FAAH2: variants seen among roughly 807,000 people sequenced by gnomAD.
FAAH2 encodes fatty acid amide hydrolase 2.
In FAAH2, 60 loss-of-function variants were observed where a neutral mutation model predicts 36.9. The ratio of observed to expected loss-of-function variants is 1.63; its 90% CI spans 1.32 to 2.02. The LOEUF (loss-of-function observed/expected upper bound fraction) is 2.02, where lower values mean the gene tolerates loss of function less well. Ranked by LOEUF, FAAH2 falls within the 30% of genes most tolerant of loss-of-function variation. The pLI is 0.00. For synonymous variants in FAAH2, 214 were observed against 143.8 expected (o/e 1.49, Z -3.49); for missense variants, 689 against 397.5 (o/e 1.73, Z -6.23).
At chrX:57,216,560 A>G in the FAAH2 span, among the ~76,000 whole-genome samples, 142 of 45,112 alleles carry the variant, frequency 3.1e-3, 3 homozygotes, top group African/African-American at 0.019. Flanking sequence ...GTATATATAT[A>G]TATACGTATA....
At chrX:57,314,471 C>T (rs968149851) in intron 3 of FAAH2, among the ~76,000 whole-genome samples, 10 of 111,467 alleles carry the variant, frequency 9.0e-5, no homozygotes, top group Non-Finnish European at 1.1e-4. Context: ...ATACTCTACA[C>T]GGTCAGTCAT....
Position 57,307,199 on chromosome X carries a change from G to A in FAAH2, c.276-3394G>A, listed in dbSNP as rs542918479. ...TTCATCTTTCTATTCTCTCTGTTTG[G>A]GGTTCTTCTTCTCTATAATAAGAAG... On this transcript the variant is annotated intron_variant, in intron 2 of 10. Transcript: ENST00000374900. Among the ~76,000 whole-genome samples the A allele has an allele frequency of 5.7e-5, 6 of 104,594 alleles. No individual in the cohort carries two copies. The South Asian group carries it at 2.2e-3, about 39-fold the overall frequency. 90.8% of individuals were successfully genotyped at this position (104,594 alleles called of 115,157 possible).
chrX:57,216,767 C>CT, the FAAH2 span, among the ~76,000 whole-genome samples: 1 of 102,170 alleles, frequency 9.8e-6, no homozygotes, highest in Non-Finnish European at 2.0e-5. Context: ...ATAATAACTT[C>CT]TTTTTTTCTG....
intron 7 of FAAH2, among the ~76,000 whole-genome samples, chrX:57,385,455 G>T (rs1045510232): frequency 9.0e-6 from 1 of 111,109 alleles, no homozygotes; most frequent in Non-Finnish European, 1.9e-5. Flanking sequence ...CAAGATCAAG[G>T]TTCTGGCAGG....
chrX:57,436,317 A>C (rs2056409261), intron 8 of FAAH2, among the ~76,000 whole-genome samples: 1 of 110,520 alleles, frequency 9.0e-6, no homozygotes, highest in African/African-American at 3.3e-5. Context: ...CTAGAAACAC[A>C]AGAACAAACT....
chrX:57,363,597 C>T (rs760817361), intron 5 of FAAH2, among the ~76,000 whole-genome samples: 16 of 111,240 alleles, frequency 1.4e-4, no homozygotes, highest in Non-Finnish European at 3.0e-4. Flanking sequence ...CTTCCCAGCA[C>T]TATGTTGAAT....
the FAAH2 span, among the ~76,000 whole-genome samples, chrX:57,133,672 G>A: frequency 3.6e-5 from 4 of 111,558 alleles, no homozygotes; most frequent in Non-Finnish European, 7.5e-5. Flanking sequence ...AATTTTCATC[G>A]TGTGAAATCT....
the FAAH2 span, among the ~76,000 whole-genome samples, chrX:57,192,988 A>G: frequency 2.7e-5 from 3 of 112,239 alleles, no homozygotes; most frequent in East Asian, 8.4e-4. Context: ...TGTTTGAACA[A>G]TATGAAATCT....
chrX:57,371,911 A>C (rs2054562338), intron 5 of FAAH2, among the ~76,000 whole-genome samples: 1 of 111,672 alleles, frequency 9.0e-6, no homozygotes, highest in South Asian at 3.7e-4. Context: ...TTGGTTTTTT[A>C]ATTTCTGCAT....
chrX:57,391,172 GT>G (rs928217710), intron 7 of FAAH2, among the ~76,000 whole-genome samples: 3 of 109,470 alleles, frequency 2.7e-5, no homozygotes, highest in Admixed American at 9.8e-5. Context: ...TTTTAATGGG[GT>G]TTTTTTTGTT....
the FAAH2 span, among the ~76,000 whole-genome samples, chrX:57,238,852 G>T: frequency 1.8e-5 from 2 of 110,853 alleles, no homozygotes; most frequent in Admixed American, 9.6e-5. Flanking sequence ...TTGTGTACAC[G>T]TGTATTCAAT....
intron 10 of FAAH2, among the ~76,000 whole-genome samples, chrX:57,468,962 G>T (rs912431339): frequency 6.3e-5 from 7 of 111,804 alleles, no homozygotes; most frequent in African/African-American, 1.6e-4. Flanking sequence ...TTAAAGAAAA[G>T]AATTTTCAAC....
chrX:57,399,107 A>G (rs1049656803), intron 7 of FAAH2, among the ~76,000 whole-genome samples: 2 of 111,642 alleles, frequency 1.8e-5, no homozygotes, highest in African/African-American at 6.5e-5. Flanking sequence ...CTCCATTTGA[A>G]GAATGATTTG....
At chrX:57,305,746 T>C (rs748546290) in intron 2 of FAAH2, among the ~76,000 whole-genome samples, 1 of 111,500 alleles carries the variant, frequency 9.0e-6, no homozygotes, top group African/African-American at 3.3e-5. Context: ...TTTACTCCAC[T>C]TGGGTATTTT....
the FAAH2 span, among the ~76,000 whole-genome samples, chrX:57,256,935 T>A: frequency 2.7e-5 from 3 of 112,131 alleles, no homozygotes; most frequent in East Asian, 8.4e-4. Context: ...AACAGACATA[T>A]GAAAAAATGC....
the FAAH2 span, among the ~76,000 whole-genome samples, chrX:57,197,520 G>A: frequency 1.0e-5 from 1 of 99,905 alleles, no homozygotes; most frequent in African/African-American, 4.2e-5. Flanking sequence ...AGAAACCTGG[G>A]GCTCAAGGGC....
At chrX:57,315,307 C>T (rs990437098) in intron 3 of FAAH2, among the ~76,000 whole-genome samples, 1 of 110,918 alleles carries the variant, frequency 9.0e-6, no homozygotes, top group Non-Finnish European at 1.9e-5. Flanking sequence ...GATGGATTCA[C>T]AGCCAAATTC....
Position 57,286,824 on chromosome X carries a change from C to A in FAAH2, c.-2C>A. 1 of 1,178,289 alleles carries A rather than the reference C, an allele frequency of 8.5e-7. No individual in the cohort carries two copies. ...CTAGGACCGTGCGGAATCCAGGCTGCGATGGCACCTTCATTTACCGCCCGC... is the reference window on the plus strand; with the variant it reads ...CTAGGACCGTGCGGAATCCAGGCTGAGATGGCACCTTCATTTACCGCCCGC... On this transcript the variant is annotated 5_prime_UTR_variant, in exon 1 of 11. Coordinates refer to ENST00000374900, the MANE Select transcript of FAAH2 (RefSeq NM_174912.4).
At chrX:57,299,698 T>G (rs761603959) in intron 2 of FAAH2, among the ~76,000 whole-genome samples, 15 of 111,723 alleles carry the variant, frequency 1.3e-4, no homozygotes, top group Admixed American at 3.8e-4. Context: ...ATTGTATATC[T>G]AGAAAACCCC....
Sources: allele counts gnomAD v4.1 joint callset (sites outside exome capture counted in the v4.1 genomes callset), GRCh38; gene constraint gnomAD v4.1.1; transcripts MANE v1.5; gene names NCBI Gene and HGNC (gene_info 2026-07-23, HGNC 2026-07-21).